Variants in ST6GALNAC1 observed in about 807,000 individuals in gnomAD.
ST6GALNAC1 encodes the protein alpha-N-acetylgalactosaminide alpha-2,6-sialyltransferase 1.
ST6GALNAC1 carries 45 observed loss-of-function variants against 56.8 expected under a neutral mutation model. The observed-to-expected ratio is 0.79, with a 90% CI of 0.62 to 1.02. The LOEUF is 1.02. Among genes scored for constraint, ST6GALNAC1 ranks in the 50% least tolerant of loss-of-function variants. The probability of loss-of-function intolerance (pLI) is 0.00; values close to 1 mark genes in which losing one functional copy is unlikely to be tolerated. For missense variants in ST6GALNAC1, 743 were observed against 754.8 expected (o/e 0.98, Z 0.18); for synonymous variants, 295 against 297.8 (o/e 0.99, Z 0.10).
chr17:76,638,780 CA>C (rs1401359179), intron 1 of ST6GALNAC1, among the ~76,000 whole-genome samples: 1 of 152,148 alleles, frequency 6.6e-6, no homozygotes, highest in Non-Finnish European at 1.5e-5. Context: ...AGGGTTTCAC[CA>C]TGTTAGTCAG....
At position 76,625,810 on chromosome 17, in the gene ST6GALNAC1, G is replaced by A; in HGVS notation, c.1605+9C>T. Reference sequence around the variant, plus strand: ...TCCAGGTATTTCTGCAGCTGCAGTGGAGCCTTACCTGGTCACAGAGCTGAA... The same window carrying A: ...TCCAGGTATTTCTGCAGCTGCAGTGAAGCCTTACCTGGTCACAGAGCTGAA... On this transcript the variant is annotated intron_variant, in intron 8 of 8. Coordinates refer to ENST00000156626, the MANE Select transcript of ST6GALNAC1 (RefSeq NM_018414.5). The A allele has an allele frequency of 6.6e-7, 1 of 1,525,028 alleles. No individual in the cohort carries two copies. Among genetic ancestry groups the A allele is most frequent in the Non-Finnish European group, 8.8e-7 (1 of 1,140,228 alleles). The allele number at this position is 1,525,028 out of a possible 1,614,324, so 94.5% of individuals were successfully genotyped here.
chr17:76,639,336 G>A (rs865836875), intron 1 of ST6GALNAC1, among the ~76,000 whole-genome samples: 1 of 152,160 alleles, frequency 6.6e-6, no homozygotes, highest in Non-Finnish European at 1.5e-5. Context: ...AGCACTTTGG[G>A]AGGCTGAGGC....
At chr17:76,623,017 A>G (rs1450892161), downstream of ST6GALNAC1, among the ~76,000 whole-genome samples, 3 of 151,622 alleles carry the variant, frequency 2.0e-5, no homozygotes, top group Non-Finnish European at 2.9e-5. Flanking sequence ...CTGGTCTTGA[A>G]CTCCCGACCT....
chr17:76,619,347 A>G, the ST6GALNAC1 span, among the ~76,000 whole-genome samples: 2 of 152,194 alleles, frequency 1.3e-5, no homozygotes, highest in Non-Finnish European at 2.9e-5. Context: ...GATCTAGGGA[A>G]TGTATGTATA....
intron 1 of ST6GALNAC1, among the ~76,000 whole-genome samples, chr17:76,638,292 A>G (rs2076003427): frequency 6.6e-6 from 1 of 152,206 alleles, no homozygotes; most frequent in Non-Finnish European, 1.5e-5. Flanking sequence ...GATGACATCT[A>G]CACATCACTG....
rs539858661 is a variant in ST6GALNAC1 at position 76,625,022 on chromosome 17, T to A, written c.*308A>T. On this transcript the variant is annotated 3_prime_UTR_variant, in exon 9 of 9. Coordinates refer to ENST00000156626, the MANE Select transcript of ST6GALNAC1 (RefSeq NM_018414.5). ...TTCTGTAAATCCAGGCTCTTTTTTCTGTATCAAGAAGCTTTTGGACTGGAA... is the reference window on the plus strand; with the variant it reads ...TTCTGTAAATCCAGGCTCTTTTTTCAGTATCAAGAAGCTTTTGGACTGGAA... 1 of 380,266 alleles carries A rather than the reference T, an allele frequency of 2.6e-6. No homozygotes were observed. The highest frequency in any genetic ancestry group is 2.0e-5 in the African/African-American group (1 of 48,922). The allele number at this position is 380,266 out of a possible 1,614,324, so 23.6% of individuals were successfully genotyped here.
chr17:76,621,529 G>A (rs185907146), downstream of ST6GALNAC1, among the ~76,000 whole-genome samples: 298 of 151,994 alleles, frequency 2.0e-3, 2 homozygotes, highest in Middle Eastern at 6.8e-3. Context: ...AGGCTAGAGT[G>A]CAGTGGCATG....
intron 1 of ST6GALNAC1, among the ~76,000 whole-genome samples, chr17:76,635,717 A>G (rs1445862615): frequency 6.6e-6 from 1 of 152,208 alleles, no homozygotes; most frequent in African/African-American, 2.4e-5. Flanking sequence ...TGACAACACA[A>G]TGCAATGTTT....
In ST6GALNAC1 at chr17:76,629,527, G is replaced by T. The variant is rs1450424160; in HGVS notation, c.316C>A (p.Gln106Lys). ...TTGTCCTGCTCCTCCGGCGGTGCCT[G>T]GTTGGCCTCCTTTCCTCTGTCTCCG... ...TTGDRGKEAN[Q>K]APPEEQDKVP... The change falls in exon 2 of 9, where the codon CAG becomes AAG. Residue 106 changes from glutamine (Q) to lysine (K), a missense_variant. Physicochemically the swap from Gln to Lys is moderately conservative, Grantham distance 53. Coordinates refer to ENST00000156626, the MANE Select transcript of ST6GALNAC1 (RefSeq NM_018414.5). The T allele has an allele frequency of 6.2e-7, 1 of 1,614,076 alleles. No individual in the cohort carries two copies. The highest frequency in any genetic ancestry group is 1.3e-5 in the African/African-American group (1 of 75,000).
chr17:76,627,599 C>T lies in ST6GALNAC1; in HGVS notation c.832-16G>A, dbSNP rs200819959. On this transcript the variant is annotated splice_polypyrimidine_tract_variant and intron_variant, in intron 2 of 8. Coordinates refer to ENST00000156626, the MANE Select transcript of ST6GALNAC1 (RefSeq NM_018414.5). This position sits in a 1 kb window ranked among gnomAD's most constrained non-coding sequence, Gnocchi z 4.4. ...CAGGGCAAGTCTATATACAGGAGGA[C>T]GAAGTCAGGAAGGGAGAGACCCAGA... 8.1e-5 allele frequency: 131 copies of T among 1,612,076 alleles called. No individual in the cohort carries two copies. The East Asian group carries it at 2.2e-3, about 27-fold the overall frequency.
intron 1 of ST6GALNAC1, among the ~76,000 whole-genome samples, chr17:76,632,169 C>G (rs567955698): frequency 7.4e-4 from 112 of 152,312 alleles, no homozygotes; most frequent in Non-Finnish European, 1.3e-3. Context: ...CACTTCCCAA[C>G]CCCCAGCCTC....
chr17:76,627,100 C>T lies in ST6GALNAC1; in HGVS notation c.1139G>A (p.Gly380Asp), dbSNP rs547954988. 3.2e-6 allele frequency: 5 copies of T among 1,574,602 alleles called. No individual in the cohort carries two copies. The East Asian group carries it at 9.0e-5, about 28-fold the overall frequency. ...GTAGTCGTGACTGTCTATCTCCTGG[C>T]CCATGTGGGAGTTGTTCAGGATGCC... ...NGGILNNSHM[G>D]QEIDSHDYVF... The change falls in exon 4 of 9, where the codon GGC becomes GAC. Residue 380 changes from glycine to aspartate, a missense_variant. Physicochemically the swap from Gly to Asp is moderately conservative, Grantham distance 94. Coordinates refer to ENST00000156626, the MANE Select transcript of ST6GALNAC1 (RefSeq NM_018414.5). This position sits in a 1 kb window ranked among gnomAD's most constrained non-coding sequence, Gnocchi z 4.4.
chr17:76,628,666 AT>A (rs889200782), intron 2 of ST6GALNAC1, among the ~76,000 whole-genome samples: 1 of 152,076 alleles, frequency 6.6e-6, no homozygotes, highest in African/African-American at 2.4e-5. Context: ...GAGGATGGGG[AT>A]TCAGGGGCCA....
At position 76,629,098 on chromosome 17, in the gene ST6GALNAC1, G is replaced by A. The variant is rs1241262552; in HGVS notation, c.745C>T (p.Gln249Ter). ...TTGAAGTTGGCGGCCTTCAGTCTTT[G>A]GTTTCTCTGCGTCGTGGGGCTCTGG... ...PFQSPTTQRN[Q>*]RLKAANFKSE... The change falls in exon 2 of 9, where the codon CAA becomes TAA. Residue 249 changes from glutamine (Q) to a stop codon, truncating the protein, a stop_gained. Transcript: ENST00000156626. LOFTEE classifies it high-confidence loss of function. The A allele has an allele frequency of 6.3e-7, 1 of 1,596,232 alleles. No homozygotes were observed. The highest frequency in any genetic ancestry group is 8.5e-7 in the Non-Finnish European group (1 of 1,170,240).
chr17:76,621,943 CT>C (rs71158041), downstream of ST6GALNAC1, among the ~76,000 whole-genome samples: 23,445 of 137,946 alleles, frequency 0.17, 1,759 homozygotes, highest in Non-Finnish European at 0.18. Flanking sequence ...TCTTTCTTTT[CT>C]TTTTTTTTTT....
At chr17:76,621,264 C>A (rs2075738099), downstream of ST6GALNAC1, among the ~76,000 whole-genome samples, 1 of 141,954 alleles carries the variant, frequency 7.0e-6, no homozygotes, top group Admixed American at 7.5e-5. Flanking sequence ...CTCACTGCAA[C>A]CTCCGCCTTT....
chr17:76,632,222 C>T (rs886736266), intron 1 of ST6GALNAC1, among the ~76,000 whole-genome samples: 4 of 152,158 alleles, frequency 2.6e-5, no homozygotes, highest in African/African-American at 7.2e-5. Flanking sequence ...CGGCAGCCCT[C>T]GGCAGAGAGG....
At position 76,631,530 on chromosome 17, in the gene ST6GALNAC1, G is replaced by A. The variant is rs8067448; in HGVS notation, c.132-1819C>T. Among the ~76,000 whole-genome samples the A allele has an allele frequency of 1.3e-4, 20 of 152,070 alleles. 1 individual carries two copies. In the South Asian group the frequency reaches 3.9e-3, roughly 30 times the overall value. On this transcript the variant is annotated intron_variant, in intron 1 of 8. Transcript: ENST00000156626. ...GAGCAGGAAGTAGTTGAGCCTCTGG[G>A]GGGGCTTGGAACCAGGAATCGCTCT... is the stretch of plus-strand genomic sequence containing the variant.
intron 1 of ST6GALNAC1, among the ~76,000 whole-genome samples, chr17:76,639,147 T>G (rs188440057): frequency 3.9e-5 from 6 of 152,276 alleles, no homozygotes; most frequent in African/African-American, 7.2e-5. Flanking sequence ...TACTCTAAAG[T>G]TTTTGAGAGC....
Sources: allele counts gnomAD v4.1 joint callset (sites outside exome capture counted in the v4.1 genomes callset), GRCh38; gene constraint gnomAD v4.1.1; non-coding constraint Gnocchi (gnomAD v3.1); transcripts MANE v1.5; gene names NCBI Gene and HGNC (gene_info 2026-07-23, HGNC 2026-07-21).